MYBPC2: variants seen among roughly 807,000 people sequenced by gnomAD.
MYBPC2 encodes the protein myosin binding protein C2, also known as myosin-binding protein C, fast-type.
In MYBPC2, 122 loss-of-function variants were observed where a neutral mutation model predicts 137.0. That is an observed-to-expected ratio of 0.89 (90% confidence interval 0.77 to 1.03). MYBPC2 has a LOEUF of 1.03. MYBPC2 is among the 50% of genes least tolerant of loss of function. The pLI, the probability that MYBPC2 is intolerant of heterozygous loss-of-function variation, is 0.00. For missense variants in MYBPC2, 1,500 were observed against 1,534.4 expected, an observed-to-expected ratio of 0.98 and a Z score of 0.37; for synonymous variants, 626 against 612.3, an observed-to-expected ratio of 1.02 and a Z score of -0.33.
intron 1 of MYBPC2, among the ~76,000 whole-genome samples, chr19:50,433,226 T>C (rs1043501998): frequency 1.4e-4 from 21 of 152,176 alleles, no homozygotes; most frequent in Non-Finnish European, 1.9e-4. Context: ...GTCTCATATC[T>C]GTGTGGGGTG....
chr19:50,458,888 T>C (rs2122614310), intron 21 of MYBPC2, 30 bp from the exon 22 acceptor site: 14 of 1,480,652 alleles, frequency 9.5e-6, no homozygotes, highest in Middle Eastern at 1.7e-4. Context: ...GGCCCCCCGC[T>C]GAGCCCCCTC....
At chr19:50,440,006 G>A (rs1156425224) in intron 7 of MYBPC2, among the ~76,000 whole-genome samples, 1 of 152,140 alleles carries the variant, frequency 6.6e-6, no homozygotes, top group Non-Finnish European at 1.5e-5. Context: ...GCAGGAGAGA[G>A]CCTGAAGTGT....
At chr19:50,446,573 A>G (rs2039807750) in intron 12 of MYBPC2, among the ~76,000 whole-genome samples, 1 of 150,058 alleles carries the variant, frequency 6.7e-6, no homozygotes, top group Non-Finnish European at 1.5e-5. Flanking sequence ...TAATCCCAGC[A>G]CTTTGAGAGA....
chr19:50,446,128 C>A (rs897948512), intron 12 of MYBPC2, 76 bp downstream of exon 12: 4 of 1,495,550 alleles, frequency 2.7e-6, no homozygotes, highest in Non-Finnish European at 3.6e-6. Context: ...TCAGGCCCCC[C>A]AGTCTGGAAG....
chr19:50,459,907 G>A (rs1172836642), intron 23 of MYBPC2, 133 bp from the exon 24 acceptor site: 10 of 1,301,054 alleles, frequency 7.7e-6, no homozygotes, highest in Non-Finnish European at 1.1e-5. Flanking sequence ...GATGGGGGAG[G>A]CCATAGGCAG....
In MYBPC2 at chr19:50,445,952, G is replaced by A. The variant is rs1282355799; in HGVS notation, c.1206G>A (p.Lys402=). 6.2e-7 allele frequency: 1 copy of A among 1,612,584 alleles called. No homozygotes were observed. Among genetic ancestry groups the A allele is most frequent in the African/African-American group, 1.3e-5 (1 of 75,028 alleles). Residue 402 remains lysine (K), a synonymous_variant, in exon 12 of 28, where the codon AAG becomes AAA. Coordinates refer to ENST00000357701, the MANE Select transcript of MYBPC2 (RefSeq NM_004533.4). ...KARYRFKKDG[K]RHILIFSDVV... ...GGTACCGCTTCAAGAAGGACGGGAA[G>A]CGCCACATCCTCATCTTCTCAGACG...
At position 50,450,857 on chromosome 19, in the gene MYBPC2, C is replaced by T. The variant is rs573422660; in HGVS notation, c.1501C>T (p.Arg501Cys). The change falls in exon 14 of 28, where the codon CGC becomes TGC. Residue 501 changes from arginine to cysteine, a missense_variant. Transcript: ENST00000357701. ...CCACAAGCTGGTGATCGATGACGTC[C>T]GCCCCGAGGATGAGGGAGACTACAC... ...RFHKLVIDDV[R>C]PEDEGDYTFV... 9.5e-6 allele frequency: 15 copies of T among 1,576,854 alleles called. No individual in the cohort carries two copies. The African/African-American group carries it at 1.4e-4, about 14-fold the overall frequency.
intron 26 of MYBPC2, among the ~76,000 whole-genome samples, chr19:50,463,260 C>G (rs1468737255): frequency 6.6e-6 from 1 of 152,176 alleles, no homozygotes; most frequent in Non-Finnish European, 1.5e-5. Flanking sequence ...ACTACAGGGC[C>G]CAAAAAGCCT....
rs748267842 is a variant in MYBPC2 at position 50,455,562 on chromosome 19, C to T, written c.2256C>T (p.Thr752=). The T allele has an allele frequency of 1.9e-6, 3 of 1,613,858 alleles. No homozygotes were observed. Among genetic ancestry groups the T allele is most frequent in the Non-Finnish European group, 2.5e-6 (3 of 1,179,892 alleles). Residue 752 remains threonine (T), a synonymous_variant, in exon 20 of 28, where the codon ACC becomes ACT. Transcript: ENST00000357701. ...HLIVEDVTDT[T]TTLKWRPPNR... is the part of the protein sequence containing the mutation. ...TAGTGGAGGATGTGACAGACACCAC[C>T]ACCACACTCAAGTGGAGGCCTCCGA...
intron 26 of MYBPC2, among the ~76,000 whole-genome samples, chr19:50,463,667 G>A (rs1337703851): frequency 2.0e-5 from 3 of 152,142 alleles, no homozygotes; most frequent in Non-Finnish European, 2.9e-5. Flanking sequence ...GGCCAGACAC[G>A]GTGGCTCACA....
intron 16 of MYBPC2, among the ~76,000 whole-genome samples, chr19:50,453,723 A>G (rs565238588): frequency 7.0e-4 from 107 of 151,824 alleles, no homozygotes; most frequent in Non-Finnish European, 1.3e-3. Context: ...TATTTTTAGT[A>G]GAGATGGGGT....
At chr19:50,459,081 A>ACCCC in intron 22 of MYBPC2, 30 bp from the exon 23 acceptor site, 2 of 1,549,902 alleles carry the variant, frequency 1.3e-6, no homozygotes, top group Non-Finnish European at 8.7e-7. Flanking sequence ...AGCCCCGCTG[A>ACCCC]CCCCACCCCG....
In MYBPC2 at chr19:50,435,648, A is replaced by G; in HGVS notation, c.110-128A>G. On this transcript the variant is annotated intron_variant, in intron 2 of 27. Coordinates refer to ENST00000357701, the MANE Select transcript of MYBPC2 (RefSeq NM_004533.4). The surrounding 1 kb of genome is among the most constrained non-coding windows in gnomAD (Gnocchi z 4.8). The stretch of plus-strand genomic sequence containing the variant: ...TTCCCAGGTCAGGAAAAGCCATTTA[A>G]CCCCCATGATGTTTGGTTTCTGAGT... 2.5e-6 allele frequency: 2 copies of G among 786,706 alleles called. No homozygotes were observed. Among genetic ancestry groups the G allele is most frequent in the Non-Finnish European group, 4.0e-6 (2 of 499,478 alleles). 48.7% of individuals were successfully genotyped at this position (786,706 alleles called of 1,614,324 possible).
In MYBPC2 at chr19:50,460,111, G is replaced by A. The variant is rs1395855732; in HGVS notation, c.2863G>A (p.Ala955Thr). The change falls in exon 24 of 28, where the codon GCC becomes ACC. Residue 955 changes from alanine (A) to threonine (T), a missense_variant. Physicochemically the swap from Ala to Thr is moderately conservative, Grantham distance 58. Transcript: ENST00000357701. ...WGTNALVEWQAPKDDGNSEIM... is the reference protein window; with the variant it reads ...WGTNALVEWQTPKDDGNSEIM... ...CACGAACGCGCTGGTGGAGTGGCAG[G>A]CCCCCAAAGATGATGGGAACAGTGA... 3.8e-6 allele frequency: 6 copies of A among 1,574,452 alleles called. No individual in the cohort carries two copies. The highest frequency in any genetic ancestry group is 4.3e-6 in the Non-Finnish European group (5 of 1,162,020).
At chr19:50,445,394 C>CTTTT (rs1256768181) in intron 11 of MYBPC2, among the ~76,000 whole-genome samples, 1 of 137,446 alleles carries the variant, frequency 7.3e-6, no homozygotes, top group Admixed American at 7.4e-5. Context: ...TCCTCACTGC[C>CTTTT]TTTTTTTTTT....
chr19:50,459,003 C>T lies in MYBPC2; in HGVS notation c.2592C>T (p.Phe864=). ...VGEQLNLVVP[F]QGKPRPQVVW... ...AGCAGCTCAACCTTGTCGTCCCCTT[C>T]CAGGTCAGGGGAGCGGGGTCACGGG... Residue 864 remains phenylalanine (F), a synonymous_variant, in exon 22 of 28, where the codon TTC becomes TTT. Coordinates refer to ENST00000357701, the MANE Select transcript of MYBPC2 (RefSeq NM_004533.4). The T allele has an allele frequency of 6.2e-7, 1 of 1,610,554 alleles. No individual in the cohort carries two copies.
Position 50,465,055 on chromosome 19 carries a change from T to C in MYBPC2, c.3415+523T>C, listed in dbSNP as rs1196058455. ...CTCCCATATTCCATTTCCAGCCGCC[T>C]CCGTCTCCAGTCTCTCCCTCCTGCC... is the stretch of plus-strand genomic sequence containing the variant. On this transcript the variant is annotated intron_variant, in intron 27 of 27. Coordinates refer to ENST00000357701, the MANE Select transcript of MYBPC2 (RefSeq NM_004533.4). This position sits in a 1 kb window ranked among gnomAD's most constrained non-coding sequence, Gnocchi z 4.5. Among the ~76,000 whole-genome samples the C allele has an allele frequency of 4.6e-5, 7 of 151,888 alleles. No individual in the cohort carries two copies. Among genetic ancestry groups the C allele is most frequent in the Non-Finnish European group, 8.8e-5 (6 of 67,974 alleles).
At chr19:50,445,539 CCCA>C (rs771457008) in intron 11 of MYBPC2, among the ~76,000 whole-genome samples, 19 of 152,000 alleles carry the variant, frequency 1.3e-4, no homozygotes, top group Non-Finnish European at 2.2e-4. Context: ...ATTATAGGTG[CCCA>C]CCACCACACC....
At position 50,436,071 on chromosome 19, in the gene MYBPC2, ATCAAGTGGT is replaced by A. The variant is rs1413691776; in HGVS notation, c.262_270del (p.Trp88_Lys90del). 2.5e-6 allele frequency: 4 copies of A among 1,584,612 alleles called. No individual in the cohort carries two copies. The highest frequency in any genetic ancestry group is 3.4e-6 in the Non-Finnish European group (4 of 1,165,414). ...GAAGGAGCTCCCAGACAAACCGACC[ATCAAGTGGT>A]TCAAGGGGAAGTGGCTGGAGCTGGG... On this transcript the variant is annotated inframe_deletion, in exon 4 of 28. Coordinates refer to ENST00000357701, the MANE Select transcript of MYBPC2 (RefSeq NM_004533.4).
Sources: gnomAD v4.1 joint callset for allele counts (sites outside exome capture counted in the v4.1 genomes callset) on GRCh38, gnomAD v4.1.1 for gene constraint, Gnocchi (gnomAD v3.1) non-coding constraint, MANE v1.5 for transcripts, NCBI Gene and HGNC (gene_info 2026-07-23, HGNC 2026-07-21) for gene names.